Variants in STK3 observed in about 807,000 individuals in gnomAD.
STK3 encodes the protein serine/threonine kinase 3.
A neutral mutation model predicts 58.0 loss-of-function variants in STK3; 41 were observed. The ratio of observed to expected loss-of-function variants is 0.71; its 90% CI spans 0.55 to 0.92. STK3 has a LOEUF of 0.92. Ranked by LOEUF, STK3 falls within the 40% of genes least tolerant of loss-of-function variation. The pLI is 0.00. For missense variants in STK3, 479 were observed against 602.7 expected (o/e 0.79, Z 2.15); for synonymous variants, 170 against 191.0 (o/e 0.89, Z 0.91).
chr8:98,723,460 A>T (rs1827578157), intron 4 of STK3, among the ~76,000 whole-genome samples: 1 of 152,144 alleles, frequency 6.6e-6, no homozygotes, highest in Admixed American at 6.6e-5. Flanking sequence ...TTTTGATAAA[A>T]ATACACCCAC....
At chr8:98,840,783 G>A (rs1835952130) in intron 3 of STK3, among the ~76,000 whole-genome samples, 1 of 151,764 alleles carries the variant, frequency 6.6e-6, no homozygotes, top group Admixed American at 6.6e-5. Flanking sequence ...AAATCCAGGT[G>A]CAACTTATCA....
chr8:98,711,883 A>G (rs1023449110), intron 4 of STK3, among the ~76,000 whole-genome samples: 5 of 152,334 alleles, frequency 3.3e-5, no homozygotes, highest in Non-Finnish European at 5.9e-5. Context: ...GTAGCCAGAG[A>G]GAAAGGTCGG....
At chr8:98,904,830 C>T in intron 1 of STK3, 1 of 662,906 alleles carries the variant, frequency 1.5e-6, no homozygotes, top group Non-Finnish European at 2.9e-6. Context: ...AGCACAAGAA[C>T]TTGGCAATAG....
chr8:98,629,422 A>C (rs1819001162), intron 6 of STK3, among the ~76,000 whole-genome samples: 1 of 152,278 alleles, frequency 6.6e-6, no homozygotes, highest in African/African-American at 2.4e-5. Context: ...TCCTCTCACA[A>C]ACATTGGTTC....
At chr8:98,655,934 C>T (rs142995757) in intron 6 of STK3, among the ~76,000 whole-genome samples, 36,466 of 152,094 alleles carry the variant, frequency 0.24, 5,288 homozygotes, top group East Asian at 0.41. Flanking sequence ...GTGGCGATTC[C>T]TCAGGGATCT....
At chr8:98,910,062 T>C (rs1839068974) in intron 1 of STK3, among the ~76,000 whole-genome samples, 1 of 152,242 alleles carries the variant, frequency 6.6e-6, no homozygotes, top group Non-Finnish European at 1.5e-5. Context: ...AGTAGTATCT[T>C]ATTGTAGTTT....
chr8:98,445,433 C>G (rs1818897964), intron 1 of STK3, among the ~76,000 whole-genome samples: 1 of 151,894 alleles, frequency 6.6e-6, no homozygotes, highest in Non-Finnish European at 1.5e-5. Context: ...TAATATATTT[C>G]CACCAAACAT....
In STK3 at chr8:98,795,822, A is replaced by G. The variant is rs538653513; in HGVS notation, c.27-21003T>C. Reference sequence around the variant, plus strand: ...AATACAATACAATACAATACAATACAATACAATACAATACAATACAATACA... The same window carrying G: ...AATACAATACAATACAATACAATACGATACAATACAATACAATACAATACA... On this transcript the variant is annotated intron_variant, in intron 1 of 10. Coordinates refer to ENST00000419617, the MANE Select transcript of STK3 (RefSeq NM_006281.4). Among the ~76,000 whole-genome samples, 141 of 146,130 alleles carry G rather than the reference A, an allele frequency of 9.6e-4. 1 individual carries two copies. The highest frequency in any genetic ancestry group is 5.9e-3 in the South Asian group (28 of 4,776).
chr8:98,655,426 C>T (rs867723486), intron 6 of STK3, among the ~76,000 whole-genome samples: 3 of 152,162 alleles, frequency 2.0e-5, no homozygotes, highest in Non-Finnish European at 4.4e-5. Flanking sequence ...TAGGCATGGG[C>T]AAGGACTTCA....
intron 6 of STK3, among the ~76,000 whole-genome samples, chr8:98,690,903 T>C (rs1482735941): frequency 1.3e-5 from 2 of 152,138 alleles, no homozygotes; most frequent in African/African-American, 4.8e-5. Context: ...ATCATGTCCT[T>C]TGCAGGAATG....
intron 1 of STK3, among the ~76,000 whole-genome samples, chr8:98,780,263 A>G (rs1321416299): frequency 6.6e-6 from 1 of 152,030 alleles, no homozygotes; most frequent in African/African-American, 2.4e-5. Context: ...AACAAGTAAT[A>G]TATGAGAGCC....
At chr8:98,875,183 T>C (rs781394416) in intron 3 of STK3, 2 of 152,220 alleles carry the variant, frequency 1.3e-5, no homozygotes, top group Non-Finnish European at 2.9e-5. Flanking sequence ...TATGTGGAAA[T>C]ATTCAGTTGT....
intron 3 of STK3, among the ~76,000 whole-genome samples, chr8:98,401,980 C>G (rs932903097): frequency 6.6e-6 from 1 of 152,092 alleles, no homozygotes; most frequent in Non-Finnish European, 1.5e-5. Flanking sequence ...AAATTACCCC[C>G]AAATCCCACT....
At chr8:98,370,342 AGTGTGTGTGTGTGTGTGT>A (rs35062643), downstream of STK3, among the ~76,000 whole-genome samples, 4 of 138,522 alleles carry the variant, frequency 2.9e-5, no homozygotes, top group African/African-American at 1.1e-4. Context: ...TGACCTCTGC[AGTGTGTGTGTGTGTGTGT>A]GTGTGTGTGT....
intron 3 of STK3, among the ~76,000 whole-genome samples, chr8:98,393,443 A>T (rs1464627585): frequency 1.3e-5 from 2 of 152,092 alleles, no homozygotes; most frequent in Non-Finnish European, 2.9e-5. Flanking sequence ...AGCTCCTCCC[A>T]TCAAGAGGTG....
the STK3 span, among the ~76,000 whole-genome samples, chr8:98,359,533 A>AAAAAAG: frequency 0.01 from 1,458 of 142,330 alleles, 27 homozygotes; most frequent in African/African-American, 0.031. Flanking sequence ...AAAAAAAAAA[A>AAAAAAG]AAAGAAAGAA....
intron 4 of STK3, among the ~76,000 whole-genome samples, chr8:98,707,812 T>A (rs1240512923): frequency 6.6e-6 from 1 of 152,108 alleles, no homozygotes; most frequent in Non-Finnish European, 1.5e-5. Context: ...CACATTTTAC[T>A]AATGAAAGGA....
chr8:98,453,318 A>G (rs1215172491), downstream of STK3, among the ~76,000 whole-genome samples: 1 of 150,156 alleles, frequency 6.7e-6, no homozygotes, highest in Non-Finnish European at 1.5e-5. Context: ...CGAACTCCTG[A>G]CCTTGTGATC....
chr8:98,532,390 G>A (rs770411017), intron 9 of STK3, among the ~76,000 whole-genome samples: 3 of 152,090 alleles, frequency 2.0e-5, no homozygotes, highest in African/African-American at 4.8e-5. Context: ...AATTAAATTC[G>A]CCATCTTATA....
Sources: gnomAD v4.1 joint callset for allele counts (sites outside exome capture counted in the v4.1 genomes callset) on GRCh38, gnomAD v4.1.1 for gene constraint, MANE v1.5 for transcripts, NCBI Gene and HGNC (gene_info 2026-07-23, HGNC 2026-07-21) for gene names.